The following ZNF385D variants were observed in gnomAD, a reference collection of about 807,000 sequenced individuals.
ZNF385D encodes the protein zinc finger protein 659.
A neutral mutation model predicts 35.8 loss-of-function variants in ZNF385D; 15 were observed. That is an observed-to-expected ratio of 0.42 (90% CI 0.28 to 0.64). The LOEUF (loss-of-function observed/expected upper bound fraction) is 0.64, where lower values mean the gene tolerates loss of function less well. Ranked by LOEUF, ZNF385D falls within the 30% of genes least tolerant of loss-of-function variation. The pLI, the probability that ZNF385D is intolerant of heterozygous loss-of-function variation, is 0.23. For synonymous variants in ZNF385D, 212 were observed against 186.8 expected (o/e 1.13, Z -1.10); for missense variants, 474 against 494.6 (o/e 0.96, Z 0.39).
chr3:22,095,119 G>T (rs1458284823), intron 3 of ZNF385D, among the ~76,000 whole-genome samples: 1 of 128,214 alleles, frequency 7.8e-6, no homozygotes, highest in African/African-American at 3.1e-5. Context: ...GAGATGGGGG[G>T]TCTCAGTATG....
At chr3:22,355,010 C>T (rs1267416618) in intron 2 of ZNF385D, among the ~76,000 whole-genome samples, 1 of 151,962 alleles carries the variant, frequency 6.6e-6, no homozygotes, top group Non-Finnish European at 1.5e-5. Context: ...CTTTATTATA[C>T]AAATTTAATT....
intron 3 of ZNF385D, among the ~76,000 whole-genome samples, chr3:21,889,365 C>G (rs1271675274): frequency 3.3e-5 from 5 of 152,114 alleles, no homozygotes; most frequent in Admixed American, 3.3e-4. Context: ...ACGACCTAGC[C>G]TGAATTAGCA....
intron 2 of ZNF385D, among the ~76,000 whole-genome samples, chr3:22,218,899 T>C (rs1698066159): frequency 6.6e-6 from 1 of 152,104 alleles, no homozygotes; most frequent in Admixed American, 6.6e-5. Flanking sequence ...CTTTTTTCAT[T>C]AAAAAATACA....
intron 2 of ZNF385D, among the ~76,000 whole-genome samples, chr3:22,169,900 T>TC (rs1181288756): frequency 2.0e-5 from 3 of 152,096 alleles, no homozygotes; most frequent in Non-Finnish European, 2.9e-5. Flanking sequence ...GCTCAAGCAG[T>TC]CCCCCCACTT....
chr3:22,298,101 A>C (rs954840677), intron 2 of ZNF385D, among the ~76,000 whole-genome samples: 1 of 152,058 alleles, frequency 6.6e-6, no homozygotes, highest in Non-Finnish European at 1.5e-5. Context: ...TTAAACAGGC[A>C]TATAATCTTC....
intron 3 of ZNF385D, among the ~76,000 whole-genome samples, chr3:21,805,887 C>A (rs1267570186): frequency 6.6e-6 from 1 of 152,120 alleles, no homozygotes; most frequent in African/African-American, 2.4e-5. Flanking sequence ...TAGCACTTGG[C>A]CAAAATGACT....
At chr3:21,890,063 T>C (rs917059145) in intron 3 of ZNF385D, among the ~76,000 whole-genome samples, 11 of 152,168 alleles carry the variant, frequency 7.2e-5, no homozygotes, top group Admixed American at 2.0e-4. Flanking sequence ...AAATACCCTA[T>C]CTGCAAATAA....
chr3:22,141,068 T>C (rs371824802), intron 3 of ZNF385D, among the ~76,000 whole-genome samples: 8 of 152,178 alleles, frequency 5.3e-5, no homozygotes, highest in African/African-American at 1.9e-4. Context: ...GATTAAGAGA[T>C]TTACTGTAGC....
At position 22,310,231 on chromosome 3, in the gene ZNF385D, C is replaced by G. The variant is rs1019843855; in HGVS notation, c.106+62219G>C. ...CAGGCGTCATGATTACTATTACGAA[C>G]AAGAGCAAGGAATTTAACTTCTTGG... is the stretch of plus-strand genomic sequence containing the variant. On this transcript the variant is annotated intron_variant, in intron 2 of 5. Transcript: ENST00000494108. Among the ~76,000 whole-genome samples the G allele has an allele frequency of 2.6e-5, 4 of 151,922 alleles. No homozygotes were observed. The East Asian group carries it at 7.7e-4, about 29-fold the overall frequency.
intron 3 of ZNF385D, among the ~76,000 whole-genome samples, chr3:21,855,699 G>A (rs1297215521): frequency 1.3e-5 from 2 of 151,932 alleles, no homozygotes. Context: ...TTAACTGTTT[G>A]TGCTAAAAGG....
At chr3:21,792,295 T>G (rs2071962828) in intron 3 of ZNF385D, among the ~76,000 whole-genome samples, 1 of 152,200 alleles carries the variant, frequency 6.6e-6, no homozygotes, top group African/African-American at 2.4e-5. Context: ...AAGAAGAACC[T>G]GGAGATTTAT....
chr3:22,108,147 A>G (rs1471415064), intron 3 of ZNF385D, among the ~76,000 whole-genome samples: 1 of 152,130 alleles, frequency 6.6e-6, no homozygotes, highest in Non-Finnish European at 1.5e-5. Context: ...TTACAGCAGC[A>G]TAAAGTGAAC....
intron 2 of ZNF385D, among the ~76,000 whole-genome samples, chr3:21,575,819 G>A (rs1377414877): frequency 1.3e-5 from 2 of 152,166 alleles, no homozygotes; most frequent in African/African-American, 4.8e-5. Context: ...CATTAGCAGA[G>A]TGGCTCACAC....
chr3:22,202,875 C>T (rs1559449512), intron 2 of ZNF385D, among the ~76,000 whole-genome samples: 1 of 152,088 alleles, frequency 6.6e-6, no homozygotes, highest in Admixed American at 6.6e-5. Context: ...TCACCCATTC[C>T]ATTGGTTGAA....
chr3:21,790,768 G>A (rs1287053719), intron 3 of ZNF385D, among the ~76,000 whole-genome samples: 1 of 152,194 alleles, frequency 6.6e-6, no homozygotes, highest in South Asian at 2.1e-4. Context: ...CTCTCCATAT[G>A]AGAATTAAGC....
intron 2 of ZNF385D, among the ~76,000 whole-genome samples, chr3:22,291,297 G>C (rs567351233): frequency 6.6e-6 from 1 of 152,174 alleles, no homozygotes; most frequent in African/African-American, 2.4e-5. Flanking sequence ...TTATTGGAAG[G>C]AAAGATTATA....
intron 3 of ZNF385D, among the ~76,000 whole-genome samples, chr3:22,071,372 A>G (rs17010716): frequency 0.1 from 15,342 of 152,138 alleles, 981 homozygotes; most frequent in African/African-American, 0.19. Flanking sequence ...CCAAAGCAAG[A>G]AAGAGATTTT....
chr3:21,733,250 A>G (rs955472963), intron 1 of ZNF385D, among the ~76,000 whole-genome samples: 4 of 152,068 alleles, frequency 2.6e-5, no homozygotes, highest in Admixed American at 6.6e-5. Flanking sequence ...CCTATTGTTT[A>G]TTCTTTCACC....
intron 4 of ZNF385D, among the ~76,000 whole-genome samples, chr3:21,503,687 A>G (rs1343108631): frequency 6.6e-6 from 1 of 152,118 alleles, no homozygotes; most frequent in South Asian, 2.1e-4. Context: ...AAATTGACTG[A>G]CCTTCCTATG....
Sources: gnomAD v4.1 joint callset for allele counts (sites outside exome capture counted in the v4.1 genomes callset) on GRCh38, gnomAD v4.1.1 for gene constraint, MANE v1.5 for transcripts, NCBI Gene and HGNC (gene_info 2026-07-23, HGNC 2026-07-21) for gene names.